Variants in CAMKMT observed in about 807,000 individuals in gnomAD.
The protein encoded by CAMKMT is CaM KMT.
Under a neutral mutation model 48.0 loss-of-function variants are expected in CAMKMT, and 53 were observed. The ratio of observed to expected loss-of-function variants is 1.10; its 90% confidence interval spans 0.89 to 1.39. CAMKMT has a LOEUF of 1.39. CAMKMT is among the 40% of genes most tolerant of loss of function. The pLI is 0.00. For missense variants in CAMKMT, 428 were observed against 402.7 expected (o/e 1.06, Z -0.54); for synonymous variants, 165 against 152.3 (o/e 1.08, Z -0.61).
intron 3 of CAMKMT, among the ~76,000 whole-genome samples, chr2:44,500,103 C>T (rs901454099): frequency 5.9e-5 from 9 of 152,098 alleles, no homozygotes; most frequent in African/African-American, 1.9e-4. Context: ...CAATATCCTG[C>T]GAAACTGTTG....
At position 44,538,292 on chromosome 2, in the gene CAMKMT, C is replaced by T. The variant is rs748087302; in HGVS notation, c.376+147987C>T. Among the ~76,000 whole-genome samples the T allele has an allele frequency of 7.9e-5, 12 of 151,174 alleles. No individual in the cohort carries two copies. In the East Asian group the frequency reaches 1.6e-3, roughly 20 times the overall value. ...GCTGAGGCAGAGAATTGCTTGAACC[C>T]GGGAGGTGGAGGTTGCAGTGAGCCA... On this transcript the variant is annotated intron_variant, in intron 3 of 10. Transcript: ENST00000378494.
intron 3 of CAMKMT, among the ~76,000 whole-genome samples, chr2:44,649,805 G>A (rs553039774): frequency 6.6e-6 from 1 of 152,148 alleles, no homozygotes; most frequent in African/African-American, 2.4e-5. Context: ...GTATCAAGCG[G>A]GTCACTGTAC....
chr2:44,729,570 G>A (rs1254268420), intron 7 of CAMKMT, among the ~76,000 whole-genome samples: 1 of 152,176 alleles, frequency 6.6e-6, no homozygotes, highest in Non-Finnish European at 1.5e-5. Context: ...TTCAGTGACT[G>A]TTGGAAGAAA....
intron 3 of CAMKMT, among the ~76,000 whole-genome samples, chr2:44,665,064 T>TTTTG (rs1005679755): frequency 1.3e-5 from 2 of 152,098 alleles, no homozygotes; most frequent in East Asian, 1.9e-4. Context: ...AAAGAGGTTT[T>TTTTG]TTTGTTTGTT....
At chr2:44,389,580 T>A (rs1000804022) in intron 2 of CAMKMT, among the ~76,000 whole-genome samples, 11 of 152,146 alleles carry the variant, frequency 7.2e-5, no homozygotes, top group African/African-American at 2.4e-4. Flanking sequence ...CCTGAGAAAC[T>A]CAAACTCTAT....
intron 3 of CAMKMT, among the ~76,000 whole-genome samples, chr2:44,537,228 C>A (rs1457027058): frequency 7.2e-5 from 11 of 152,184 alleles, no homozygotes; most frequent in Admixed American, 7.2e-4. Flanking sequence ...AAAGGCATAA[C>A]CTTCTGAATA....
chr2:44,433,361 T>C (rs968222304), intron 3 of CAMKMT, among the ~76,000 whole-genome samples: 1 of 152,176 alleles, frequency 6.6e-6, no homozygotes, highest in South Asian at 2.1e-4. Context: ...GTAATACATA[T>C]CGTGGAACTT....
chr2:44,608,525 T>C (rs925716808), intron 3 of CAMKMT, among the ~76,000 whole-genome samples: 4 of 152,162 alleles, frequency 2.6e-5, no homozygotes, highest in African/African-American at 9.7e-5. Context: ...ACATTTATCG[T>C]TTTCTTGTGT....
intron 3 of CAMKMT, among the ~76,000 whole-genome samples, chr2:44,607,492 A>C (rs1671350989): frequency 6.6e-6 from 1 of 152,226 alleles, no homozygotes; most frequent in Admixed American, 6.5e-5. Context: ...AGTAGTGAAC[A>C]TAAAAGCACC....
At chr2:44,769,023 A>G (rs947324476) in intron 10 of CAMKMT, among the ~76,000 whole-genome samples, 6 of 152,060 alleles carry the variant, frequency 3.9e-5, no homozygotes, top group Non-Finnish European at 8.8e-5. Flanking sequence ...TGCCCTCTGC[A>G]TTAGTGCCTC....
intron 3 of CAMKMT, among the ~76,000 whole-genome samples, chr2:44,588,629 G>A (rs866368347): frequency 0.073 from 2,605 of 35,608 alleles, 398 homozygotes; most frequent in South Asian, 0.18. Context: ...CCGGCCAGCC[G>A]CCCAGTCCGG....
In CAMKMT at chr2:44,363,772, C is replaced by T. The variant is rs188734049; in HGVS notation, c.138+1627C>T. Among the ~76,000 whole-genome samples the T allele has an allele frequency of 2.0e-3, 308 of 151,284 alleles. 1 individual carries two copies. Among genetic ancestry groups the T allele is most frequent in the Non-Finnish European group, 3.5e-3 (239 of 67,812 alleles). Reference sequence around the variant, plus strand: ...TGGCGCAATCTCGGCTCACTGCAGCCTCCGCCTCCCTGGTTCAAGCAATTC... The same window carrying T: ...TGGCGCAATCTCGGCTCACTGCAGCTTCCGCCTCCCTGGTTCAAGCAATTC... On this transcript the variant is annotated intron_variant, in intron 1 of 10. Transcript: ENST00000378494.
chr2:44,457,687 C>T (rs1303333381), intron 3 of CAMKMT, among the ~76,000 whole-genome samples: 9 of 152,114 alleles, frequency 5.9e-5, no homozygotes, highest in African/African-American at 9.7e-5. Context: ...CATGAGCCAC[C>T]GTGCCCGGCC....
chr2:44,397,789 TG>T (rs1681994926), intron 3 of CAMKMT, among the ~76,000 whole-genome samples: 1 of 152,190 alleles, frequency 6.6e-6, no homozygotes, highest in Non-Finnish European at 1.5e-5. Flanking sequence ...ACCACAGAAT[TG>T]GAATGATTCT....
intron 7 of CAMKMT, among the ~76,000 whole-genome samples, chr2:44,740,485 G>A (rs905593760): frequency 9.2e-5 from 14 of 152,140 alleles, no homozygotes; most frequent in Admixed American, 8.5e-4. Context: ...CTGAAAGTGA[G>A]GAGGAGGGGA....
At chr2:44,412,322 T>G (rs947018831) in intron 3 of CAMKMT, among the ~76,000 whole-genome samples, 18 of 152,120 alleles carry the variant, frequency 1.2e-4, no homozygotes, top group Non-Finnish European at 2.4e-4. Context: ...AATGTTTGTT[T>G]AAGTTTTTTT....
At chr2:44,375,270 A>G (rs753317624) in intron 2 of CAMKMT, among the ~76,000 whole-genome samples, 2 of 151,740 alleles carry the variant, frequency 1.3e-5, no homozygotes, top group African/African-American at 2.4e-5. Flanking sequence ...ATCTTCCTCT[A>G]TATTTTTTAA....
At chr2:44,399,960 G>A (rs1682213516) in intron 3 of CAMKMT, among the ~76,000 whole-genome samples, 1 of 152,148 alleles carries the variant, frequency 6.6e-6, no homozygotes, top group South Asian at 2.1e-4. Flanking sequence ...ATGTTTAGAA[G>A]ACAAGGAAAG....
At chr2:44,576,681 TTATTCA>T (rs1332021239) in intron 3 of CAMKMT, among the ~76,000 whole-genome samples, 2 of 152,172 alleles carry the variant, frequency 1.3e-5, no homozygotes, top group Non-Finnish European at 2.9e-5. Flanking sequence ...GTTGGTGAGA[TTATTCA>T]GGTCTGAGGA....
Sources: allele counts gnomAD v4.1 joint callset (sites outside exome capture counted in the v4.1 genomes callset), GRCh38; gene constraint gnomAD v4.1.1; transcripts MANE v1.5; gene names NCBI Gene and HGNC (gene_info 2026-07-23, HGNC 2026-07-21).